The following PAWR variants were observed in gnomAD, a reference collection of about 807,000 sequenced individuals.
PAWR encodes the protein pro-apoptotic WT1 regulator, also known as PRKC apoptosis WT1 regulator protein.
In PAWR, 23 loss-of-function variants were observed where a neutral mutation model predicts 32.0. That is an observed-to-expected ratio of 0.72 (90% confidence interval 0.52 to 1.02). The LOEUF (loss-of-function observed/expected upper bound fraction) is 1.02, where lower values mean the gene tolerates loss of function less well. PAWR is among the 50% of genes least tolerant of loss of function. The pLI, the probability that PAWR is intolerant of heterozygous loss-of-function variation, is 0.00. For synonymous variants in PAWR, 226 were observed against 187.1 expected (o/e 1.21, Z -1.70); for missense variants, 457 against 437.7 (o/e 1.04, Z -0.39).
intron 4 of PAWR, among the ~76,000 whole-genome samples, chr12:79,600,648 C>CTTTTTT (rs1025749975): frequency 5.1e-4 from 52 of 102,358 alleles, no homozygotes; most frequent in African/African-American, 1.4e-3. Context: ...CCATACCTGG[C>CTTTTTT]TTTTTTTTTT....
chr12:79,629,200 G>A (rs938391673), intron 2 of PAWR, among the ~76,000 whole-genome samples: 1 of 151,986 alleles, frequency 6.6e-6, no homozygotes, highest in Admixed American at 6.6e-5. Context: ...CAACTGAAAG[G>A]CAGAAGTTAT....
Position 79,689,919 on chromosome 12 carries a change from TCCGACCGCCGCGGGCCGGGGG to T in PAWR, c.305_325del (p.Ala102_Ser108del). On this transcript the variant is annotated inframe_deletion, in exon 2 of 7. Coordinates refer to ENST00000328827, the MANE Select transcript of PAWR (RefSeq NM_002583.4). Reference sequence around the variant, plus strand: ...GGCAGAGGCGGCTGGGGGCTCGTCCTCCGACCGCCGCGGGCCGGGGGCCGCCCGCGTCAGCATGGCGGAGCC... The same window carrying T: ...GGCAGAGGCGGCTGGGGGCTCGTCCTCCGCCCGCGTCAGCATGGCGGAGCC... The T allele has an allele frequency of 7.0e-7, 1 of 1,429,154 alleles. No homozygotes were observed. The highest frequency in any genetic ancestry group is 1.5e-5 in the South Asian group (1 of 66,962). 88.5% of individuals were successfully genotyped at this position (1,429,154 alleles called of 1,614,324 possible).
intron 2 of PAWR, among the ~76,000 whole-genome samples, chr12:79,646,751 C>T (rs1876593871): frequency 6.6e-6 from 1 of 152,052 alleles, no homozygotes; most frequent in South Asian, 2.1e-4. Context: ...TTAGGTAGTA[C>T]ACAAACAAAA....
At chr12:79,675,417 A>G (rs1157376659) in intron 2 of PAWR, among the ~76,000 whole-genome samples, 1 of 152,130 alleles carries the variant, frequency 6.6e-6, no homozygotes. Context: ...TCATTCTACC[A>G]TGAAGACACA....
At chr12:79,684,292 TAA>T (rs35293122) in intron 2 of PAWR, among the ~76,000 whole-genome samples, 1 of 149,060 alleles carries the variant, frequency 6.7e-6, no homozygotes, top group African/African-American at 2.5e-5. Context: ...TCATAGGTGC[TAA>T]AAAAAAAATG....
At chr12:79,633,508 C>A (rs1359567335) in intron 2 of PAWR, among the ~76,000 whole-genome samples, 3 of 152,072 alleles carry the variant, frequency 2.0e-5, no homozygotes, top group Admixed American at 6.6e-5. Flanking sequence ...ATAAAGTCAG[C>A]TGTTTGTTTT....
At chr12:79,668,777 G>A (rs892708886) in intron 2 of PAWR, among the ~76,000 whole-genome samples, 1 of 152,166 alleles carries the variant, frequency 6.6e-6, no homozygotes, top group Non-Finnish European at 1.5e-5. Flanking sequence ...CTCACCTCCT[G>A]CTGTGTGGCC....
At position 79,585,182 on chromosome 12, in the gene PAWR, A is replaced by C; in HGVS notation, c.*7425T>G. On this transcript the variant is annotated 3_prime_UTR_variant, in exon 7 of 7. Coordinates refer to ENST00000328827, the MANE Select transcript of PAWR (RefSeq NM_002583.4). Reference sequence around the variant, plus strand: ...AAAACAAAACAAAAACAAACAAAAAACAAGTTCATGTTATTTCTACAATGT... The same window carrying C: ...AAAACAAAACAAAAACAAACAAAAACCAAGTTCATGTTATTTCTACAATGT... 4.4e-6 allele frequency: 2 copies of C among 452,014 alleles called. No individual in the cohort carries two copies. The highest frequency in any genetic ancestry group is 3.2e-5 in the South Asian group (2 of 63,348). 28.0% of individuals were successfully genotyped at this position (452,014 alleles called of 1,614,324 possible).
intron 4 of PAWR, among the ~76,000 whole-genome samples, chr12:79,601,553 A>G (rs1010460582): frequency 2.6e-5 from 4 of 152,116 alleles, no homozygotes; most frequent in South Asian, 2.1e-4. Flanking sequence ...TCCAAATATT[A>G]TTCATAATTA....
chr12:79,607,728 C>T (rs1294255013), intron 4 of PAWR, among the ~76,000 whole-genome samples: 1 of 127,052 alleles, frequency 7.9e-6, no homozygotes, highest in Non-Finnish European at 1.7e-5. Flanking sequence ...GACCTTGTCT[C>T]AAAAAAAAAA....
chr12:79,601,665 GA>G (rs1873967528), intron 4 of PAWR, among the ~76,000 whole-genome samples: 2 of 151,938 alleles, frequency 1.3e-5, no homozygotes, highest in Admixed American at 6.6e-5. Context: ...TAGAGCATAA[GA>G]AAAAGACTAA....
intron 6 of PAWR, among the ~76,000 whole-genome samples, chr12:79,593,361 C>G (rs982732498): frequency 1.3e-5 from 2 of 152,124 alleles, no homozygotes; most frequent in Non-Finnish European, 2.9e-5. Flanking sequence ...TAAGTATTCG[C>G]TCTCCAGCTT....
In PAWR at chr12:79,649,409, A is replaced by G. The variant is rs190424449; in HGVS notation, c.517-28202T>C. Among the ~76,000 whole-genome samples, 32 of 152,240 alleles carry G rather than the reference A, an allele frequency of 2.1e-4. No homozygotes were observed. The South Asian group carries it at 3.1e-3, about 15-fold the overall frequency. The stretch of plus-strand genomic sequence containing the variant: ...ATACAAAAACATATATGTCAAGGAT[A>G]TATATAACATACAATACATGTATGT... On this transcript the variant is annotated intron_variant, in intron 2 of 6. Transcript: ENST00000328827.
At chr12:79,647,111 G>T (rs2136787084) in intron 2 of PAWR, among the ~76,000 whole-genome samples, 1 of 150,500 alleles carries the variant, frequency 6.6e-6, no homozygotes, top group Non-Finnish European at 1.5e-5. Context: ...GGAGGCAGAG[G>T]TTGCAGTGAG....
intron 3 of PAWR, among the ~76,000 whole-genome samples, chr12:79,615,002 A>G (rs961457155): frequency 1.3e-5 from 2 of 152,206 alleles, no homozygotes; most frequent in Admixed American, 6.5e-5. Flanking sequence ...ATAAAATGAC[A>G]TAAGTGAGTA....
intron 2 of PAWR, among the ~76,000 whole-genome samples, chr12:79,684,516 C>T (rs2136890578): frequency 1.3e-5 from 2 of 151,896 alleles, no homozygotes; most frequent in East Asian, 3.9e-4. Flanking sequence ...GAGACTGACG[C>T]AGGAGAATTG....
In PAWR at chr12:79,645,137, A is replaced by G. The variant is rs141137942; in HGVS notation, c.517-23930T>C. Among the ~76,000 whole-genome samples the G allele has an allele frequency of 6.2e-4, 95 of 152,210 alleles. 1 individual carries two copies. The highest frequency in any genetic ancestry group is 2.2e-3 in the African/African-American group (90 of 41,540). ...GACTCCAAGTTTTAAGAAGTTGTACAGTGTCCAAGAGATGCACACATCCCA... is the reference window on the plus strand; with the variant it reads ...GACTCCAAGTTTTAAGAAGTTGTACGGTGTCCAAGAGATGCACACATCCCA... On this transcript the variant is annotated intron_variant, in intron 2 of 6. Coordinates refer to ENST00000328827, the MANE Select transcript of PAWR (RefSeq NM_002583.4).
At chr12:79,661,692 G>C (rs1046271983) in intron 2 of PAWR, among the ~76,000 whole-genome samples, 6 of 151,894 alleles carry the variant, frequency 4.0e-5, no homozygotes, top group Non-Finnish European at 7.4e-5. Context: ...ACATACATTA[G>C]ACCAAAGCCC....
intron 2 of PAWR, among the ~76,000 whole-genome samples, chr12:79,651,654 T>C (rs577347356): frequency 2.1e-5 from 3 of 139,628 alleles, no homozygotes; most frequent in Admixed American, 8.1e-5. Flanking sequence ...GTGGGGAGGA[T>C]TGCTCGAGCC....
Sources: gnomAD v4.1 joint callset for allele counts (sites outside exome capture counted in the v4.1 genomes callset) on GRCh38, gnomAD v4.1.1 for gene constraint, MANE v1.5 for transcripts, NCBI Gene and HGNC (gene_info 2026-07-23, HGNC 2026-07-21) for gene names.